GOLM1: variants seen among roughly 807,000 people sequenced by gnomAD.
GOLM1 encodes epididymis luminal protein 46.
A neutral mutation model predicts 50.5 loss-of-function variants in GOLM1; 31 were observed. The observed-to-expected ratio is 0.61, with a 90% confidence interval of 0.46 to 0.83. The LOEUF (loss-of-function observed/expected upper bound fraction) is 0.83. Among genes scored for constraint, GOLM1 ranks in the 40% least tolerant of loss-of-function variants. The pLI is 0.00. For synonymous variants in GOLM1, 178 were observed against 192.8 expected (o/e 0.92, Z 0.64); for missense variants, 491 against 501.3 (o/e 0.98, Z 0.20).
At chr9:86,031,965 C>T (rs777271813) in intron 9 of GOLM1, among the ~76,000 whole-genome samples, 20 of 147,190 alleles carry the variant, frequency 1.4e-4, no homozygotes, top group South Asian at 2.2e-4. Flanking sequence ...CCAGACATGA[C>T]GTGCCTCCCG....
chr9:86,062,481 C>T (rs552387667), intron 3 of GOLM1, among the ~76,000 whole-genome samples: 6 of 125,190 alleles, frequency 4.8e-5, no homozygotes, highest in East Asian at 2.4e-4. Context: ...GAAGGGAGGA[C>T]GGGGGAGGAG....
In GOLM1 at chr9:86,052,599, GAAGATAAACTCGCATGAAACACCCAAACC is replaced by G; in HGVS notation, c.310-37_310-9del. The G allele has an allele frequency of 6.2e-7, 1 of 1,613,152 alleles. No individual in the cohort carries two copies. The highest frequency in any genetic ancestry group is 2.2e-5 in the East Asian group (1 of 44,860). On this transcript the variant is annotated splice_polypyrimidine_tract_variant and intron_variant, in intron 3 of 9. Transcript: ENST00000388712. ...GTTATTCACCAAAACCGCCTGCAACGAAGATAAACTCGCATGAAACACCCAAACCAACACCTCAGCCTGACAGCCAGATG... is the reference window on the plus strand; with the variant it reads ...GTTATTCACCAAAACCGCCTGCAACGAACACCTCAGCCTGACAGCCAGATG...
intron 1 of GOLM1, among the ~76,000 whole-genome samples, chr9:86,080,926 C>T (rs567603589): frequency 7.9e-5 from 12 of 152,240 alleles, no homozygotes; most frequent in African/African-American, 2.2e-4. Flanking sequence ...GTCTCTGTCG[C>T]CCAGGGTGGA....
At chr9:86,067,949 C>T (rs190314185) in intron 3 of GOLM1, among the ~76,000 whole-genome samples, 183 of 151,896 alleles carry the variant, frequency 1.2e-3, no homozygotes, top group African/African-American at 4.1e-3. Flanking sequence ...GAGGTTGCAG[C>T]GAACCAAGAT....
intron 1 of GOLM1, among the ~76,000 whole-genome samples, chr9:86,098,436 T>A (rs892721342): frequency 1.3e-5 from 2 of 152,186 alleles, no homozygotes; most frequent in African/African-American, 4.8e-5. Flanking sequence ...TGCTAAATAC[T>A]TCATCAGGTT....
chr9:86,066,571 A>C (rs533102033), intron 3 of GOLM1, among the ~76,000 whole-genome samples: 129 of 152,334 alleles, frequency 8.5e-4, no homozygotes, highest in African/African-American at 3.0e-3. Context: ...CTAAAACATT[A>C]CCTTTGCACC....
chr9:86,076,421 C>CAAAAAAAAAAAAAAAAAA (rs58193076), intron 3 of GOLM1, among the ~76,000 whole-genome samples: 1 of 23,324 alleles, frequency 4.3e-5, no homozygotes, highest in Non-Finnish European at 8.8e-5. Flanking sequence ...AACCCCATCT[C>CAAAAAAAAAAAAAAAAAA]AAAAAAAAAA....
chr9:86,087,110 T>C (rs1834999331), intron 1 of GOLM1, among the ~76,000 whole-genome samples: 1 of 152,246 alleles, frequency 6.6e-6, no homozygotes, highest in African/African-American at 2.4e-5. Flanking sequence ...CATTTGTTCG[T>C]GTCCTCTCTT....
intron 6 of GOLM1, among the ~76,000 whole-genome samples, chr9:86,038,396 C>T (rs537449183): frequency 9.2e-5 from 14 of 152,240 alleles, no homozygotes; most frequent in African/African-American, 3.1e-4. Flanking sequence ...ACGAGGAGCG[C>T]ATTACCCAGA....
intron 1 of GOLM1, among the ~76,000 whole-genome samples, chr9:86,086,246 G>A (rs547217905): frequency 6.7e-4 from 102 of 152,268 alleles, no homozygotes; most frequent in African/African-American, 2.3e-3. Context: ...TTGTTCATAT[G>A]TTTGTTGGCT....
chr9:86,070,591 A>T (rs905407328), intron 3 of GOLM1, among the ~76,000 whole-genome samples: 1 of 151,914 alleles, frequency 6.6e-6, no homozygotes, highest in Non-Finnish European at 1.5e-5. Flanking sequence ...AACAAAAAAA[A>T]CCTGATTATT....
intron 4 of GOLM1, among the ~76,000 whole-genome samples, chr9:86,050,016 C>T (rs1833686970): frequency 6.6e-6 from 1 of 152,094 alleles, no homozygotes; most frequent in Non-Finnish European, 1.5e-5. Flanking sequence ...TCATAAATAG[C>T]TCTTATTATT....
At chr9:86,073,638 G>C in intron 3 of GOLM1, among the ~76,000 whole-genome samples, 1 of 152,148 alleles carries the variant, frequency 6.6e-6, no homozygotes, top group East Asian at 1.9e-4. Context: ...AGGAACCACA[G>C]GAGACTCAGA....
intron 1 of GOLM1, among the ~76,000 whole-genome samples, chr9:86,093,099 G>C (rs554962184): frequency 1.3e-5 from 2 of 152,266 alleles, no homozygotes; most frequent in East Asian, 3.9e-4. Context: ...TTGATAGGCT[G>C]GGTGTACACA....
chr9:86,075,540 A>G (rs1834584885), intron 3 of GOLM1, among the ~76,000 whole-genome samples: 1 of 152,130 alleles, frequency 6.6e-6, no homozygotes, highest in Admixed American at 6.5e-5. Flanking sequence ...AGATCCAGAG[A>G]ATTTAAGTGA....
In GOLM1 at chr9:86,033,307, C is replaced by T; in HGVS notation, c.1104G>A (p.Leu368=). The T allele has an allele frequency of 6.2e-7, 1 of 1,609,486 alleles. No individual in the cohort carries two copies. Among genetic ancestry groups the T allele is most frequent in the Non-Finnish European group, 8.5e-7 (1 of 1,175,734 alleles). The change falls in exon 9 of 10, where the codon CTG becomes CTA. Residue 368 remains leucine (L), a synonymous_variant. Coordinates refer to ENST00000388712, the MANE Select transcript of GOLM1 (RefSeq NM_016548.4). The part of the protein sequence containing the change: ...AESETDKQAA[L]AGNDRNIDVF... ...CATCTATGTTTCTGTCATTCCCTGCCAGGGCTGCTTGCTTGTCTGTCTCAG... is the reference window on the plus strand; with the variant it reads ...CATCTATGTTTCTGTCATTCCCTGCTAGGGCTGCTTGCTTGTCTGTCTCAG...
At chr9:86,053,411 T>TGC (rs1833843486) in intron 3 of GOLM1, among the ~76,000 whole-genome samples, 2 of 89,162 alleles carry the variant, frequency 2.2e-5, no homozygotes, top group African/African-American at 4.4e-5. Context: ...CACCACACAC[T>TGC]TCACACCAAA....
At chr9:86,052,100 A>G (rs1833772489) in intron 4 of GOLM1, among the ~76,000 whole-genome samples, 1 of 152,150 alleles carries the variant, frequency 6.6e-6, no homozygotes, top group East Asian at 1.9e-4. Flanking sequence ...AAGGACTCAA[A>G]GGAAGACCAA....
At chr9:86,081,563 T>C (rs1341366819) in intron 1 of GOLM1, among the ~76,000 whole-genome samples, 1 of 152,050 alleles carries the variant, frequency 6.6e-6, no homozygotes, top group East Asian at 1.9e-4. Flanking sequence ...CAAATGGCTT[T>C]TGCTAAGGAA....
Sources: gnomAD v4.1 joint callset for allele counts (sites outside exome capture counted in the v4.1 genomes callset) on GRCh38, gnomAD v4.1.1 for gene constraint, MANE v1.5 for transcripts, NCBI Gene and HGNC (gene_info 2026-07-23, HGNC 2026-07-21) for gene names.